Variants in WDR59 observed in about 807,000 individuals in gnomAD.
WDR59 encodes WD repeat domain 59, also known as GATOR2 complex protein WDR59.
In WDR59, 100 loss-of-function variants were observed where a neutral mutation model predicts 131.2. The ratio of observed to expected loss-of-function variants is 0.76; its 90% CI spans 0.65 to 0.90. The LOEUF (loss-of-function observed/expected upper bound fraction) is 0.90, where lower values mean the gene tolerates loss of function less well. Ranked by LOEUF, WDR59 falls within the 40% of genes least tolerant of loss-of-function variation. The pLI, the probability that WDR59 is intolerant of heterozygous loss-of-function variation, is 0.00. For synonymous variants in WDR59, 601 were observed against 466.2 expected (o/e 1.29, Z -3.72); for missense variants, 1,203 against 1,262.2 (o/e 0.95, Z 0.71).
chr16:74,927,076 G>A (rs750263318), intron 8 of WDR59, among the ~76,000 whole-genome samples: 1 of 152,178 alleles, frequency 6.6e-6, no homozygotes, highest in Non-Finnish European at 1.5e-5. Flanking sequence ...CTGCCTGAGG[G>A]CTGGATGAGG....
chr16:74,917,699 C>T (rs977224491), intron 11 of WDR59, among the ~76,000 whole-genome samples: 7 of 151,024 alleles, frequency 4.6e-5, no homozygotes, highest in South Asian at 2.1e-4. Context: ...ATCCCAGCTA[C>T]TCAGGAGGCT....
At chr16:74,896,469 T>C (rs117027325) in intron 18 of WDR59, among the ~76,000 whole-genome samples, 10,656 of 152,112 alleles carry the variant, frequency 0.07, 523 homozygotes, top group Admixed American at 0.14. Context: ...ACCCTGTCTA[T>C]ACAAAATATA....
At chr16:74,977,083 G>A (rs990152290) in intron 1 of WDR59, among the ~76,000 whole-genome samples, 2 of 151,998 alleles carry the variant, frequency 1.3e-5, no homozygotes, top group African/African-American at 4.8e-5. Flanking sequence ...TCAAAAGACA[G>A]CACATAGCTG....
At chr16:74,948,611 G>A (rs2145127702) in intron 5 of WDR59, 55 bp from the exon 6 acceptor site, 1 of 1,416,512 alleles carries the variant, frequency 7.1e-7, no homozygotes, top group South Asian at 1.1e-5. Context: ...CCACCCACCT[G>A]GTATTTTTCA....
chr16:74,956,914 C>T (rs1007412472), intron 2 of WDR59, among the ~76,000 whole-genome samples: 9 of 152,106 alleles, frequency 5.9e-5, no homozygotes, highest in African/African-American at 2.2e-4. Context: ...TCCCAATCCC[C>T]CAGCTAGGGT....
chr16:74,896,807 G>A (rs1206601166), intron 18 of WDR59, among the ~76,000 whole-genome samples: 1 of 152,180 alleles, frequency 6.6e-6, no homozygotes, highest in African/African-American at 2.4e-5. Context: ...AGGACTTACA[G>A]TATCAGCTCC....
In WDR59 at chr16:74,889,720, C is replaced by A; in HGVS notation, c.2178G>T (p.Arg726=). ...ETPWARHPFG[R]QLLESLLAHY... is the part of the protein sequence containing the mutation. The stretch of plus-strand genomic sequence containing the variant: ...AAACCTACAGGGACTCCAGCAGCTG[C>A]CGCCCAAATGGATGTCGAGCCCAGG... The change falls in exon 21 of 26, where the codon CGG becomes CGT. Residue 726 remains arginine, a synonymous_variant. Transcript: ENST00000262144. The A allele has an allele frequency of 1.2e-6, 2 of 1,613,860 alleles. No individual in the cohort carries two copies. Among genetic ancestry groups the A allele is most frequent in the African/African-American group, 2.7e-5 (2 of 75,020 alleles).
intron 3 of WDR59, among the ~76,000 whole-genome samples, chr16:74,952,382 T>C (rs2145145372): frequency 7.5e-6 from 1 of 133,040 alleles, no homozygotes; most frequent in Admixed American, 8.9e-5. Context: ...GTCGAGGCAA[T>C]AGTAAGCTGT....
chr16:74,880,911 A>C (rs1250619721), intron 25 of WDR59, among the ~76,000 whole-genome samples: 1 of 152,270 alleles, frequency 6.6e-6, no homozygotes, highest in Non-Finnish European at 1.5e-5. Flanking sequence ...ATTACACAAA[A>C]GTAAATAAAA....
intron 20 of WDR59, among the ~76,000 whole-genome samples, chr16:74,891,735 C>G (rs1965052399): frequency 6.6e-6 from 1 of 152,166 alleles, no homozygotes; most frequent in Non-Finnish European, 1.5e-5. Flanking sequence ...CTAGCCTGGC[C>G]AACATGGTGA....
chr16:74,883,204 T>C (rs1332205933), intron 25 of WDR59, among the ~76,000 whole-genome samples: 1 of 151,882 alleles, frequency 6.6e-6, no homozygotes, highest in Non-Finnish European at 1.5e-5. Flanking sequence ...TTTGTATTTT[T>C]AGTAGAGATG....
In WDR59 at chr16:74,887,708, C is replaced by T. The variant is rs148419261; in HGVS notation, c.2394G>A (p.Gly798=). Residue 798 remains glycine, a synonymous_variant, in exon 23 of 26, where the codon GGG becomes GGA. Coordinates refer to ENST00000262144, the MANE Select transcript of WDR59 (RefSeq NM_030581.4). ...CTATGTTCCAGCCGCCAGTGTTGAG[C>T]CCTGGGTCTGACATACTGGAGCAGG... is the stretch of plus-strand genomic sequence containing the variant. The part of the protein sequence containing the change: ...SGSCSSMSDP[G]LNTGGWNIAG... 287 of 1,614,014 alleles carry T rather than the reference C, an allele frequency of 1.8e-4. No homozygotes were observed. The highest frequency in any genetic ancestry group is 2.2e-4 in the Non-Finnish European group (257 of 1,180,010).
chr16:74,940,956 A>ACG (rs2032174145), intron 7 of WDR59, among the ~76,000 whole-genome samples: 1 of 151,946 alleles, frequency 6.6e-6, no homozygotes, highest in Admixed American at 6.6e-5. Flanking sequence ...CACCCGCCTC[A>ACG]GCCTCCCAAA....
intron 22 of WDR59, 118 bp downstream of exon 22, chr16:74,888,051 G>C (rs1015597103): frequency 5.4e-6 from 7 of 1,304,484 alleles, no homozygotes; most frequent in Admixed American, 2.8e-5. Context: ...CCAGGAGGCG[G>C]AGGTTGCAGT....
intron 13 of WDR59, 106 bp downstream of exon 13, chr16:74,915,764 G>A (rs1358039682): frequency 2.3e-5 from 35 of 1,533,666 alleles, no homozygotes; most frequent in Non-Finnish European, 2.6e-5. Flanking sequence ...AGAGAGTTCT[G>A]TTAAAGCTGC....
At chr16:74,978,673 T>C (rs111497834) in intron 1 of WDR59, among the ~76,000 whole-genome samples, 3 of 152,270 alleles carry the variant, frequency 2.0e-5, no homozygotes, top group African/African-American at 7.2e-5. Flanking sequence ...TACATCATGA[T>C]TACGGCAGTG....
chr16:74,963,681 CA>C (rs1452459004), intron 2 of WDR59, among the ~76,000 whole-genome samples: 1 of 152,120 alleles, frequency 6.6e-6, no homozygotes, highest in African/African-American at 2.4e-5. Context: ...AGCAAACCAC[CA>C]TAGCACACGT....
rs185143723 is a variant in WDR59 at position 74,941,892 on chromosome 16, G to A, written c.534+846C>T. On this transcript the variant is annotated intron_variant, in intron 7 of 25. Transcript: ENST00000262144. The stretch of plus-strand genomic sequence containing the variant: ...CTTCCAAACGTATGGAGGGAAGGGA[G>A]CAGCCGGAAGATAAGACAGTGGGGA... Among the ~76,000 whole-genome samples the A allele has an allele frequency of 9.9e-5, 15 of 152,232 alleles. 1 individual carries two copies. The East Asian group carries it at 2.5e-3, about 25-fold the overall frequency.
chr16:74,968,495 C>T (rs544761615), intron 1 of WDR59, among the ~76,000 whole-genome samples: 172 of 152,120 alleles, frequency 1.1e-3, no homozygotes, highest in African/African-American at 3.9e-3. Flanking sequence ...CCGAGGCAGG[C>T]GGATCACCTG....
Sources: gnomAD v4.1 joint callset for allele counts (sites outside exome capture counted in the v4.1 genomes callset) on GRCh38, gnomAD v4.1.1 for gene constraint, MANE v1.5 for transcripts, NCBI Gene and HGNC (gene_info 2026-07-23, HGNC 2026-07-21) for gene names.